The following ASIC2 variants were observed in gnomAD, a reference collection of about 807,000 sequenced individuals.
ASIC2 encodes acid sensing ion channel subunit 2.
A neutral mutation model predicts 57.3 loss-of-function variants in ASIC2; 25 were observed. The ratio of observed to expected loss-of-function variants is 0.44; its 90% CI spans 0.32 to 0.61. The LOEUF is 0.61. Ranked by LOEUF, ASIC2 falls within the 20% of genes least tolerant of loss-of-function variation. The pLI, the probability that ASIC2 is intolerant of heterozygous loss-of-function variation, is 0.06. For missense variants in ASIC2, 641 were observed against 738.1 expected (o/e 0.87, Z 1.52); for synonymous variants, 319 against 307.5 (o/e 1.04, Z -0.39).
Position 33,932,713 on chromosome 17 carries a change from C to CAAAAAAA in ASIC2, c.555+223258_555+223264dup, listed in dbSNP as rs869134623. The CAAAAAAA allele has an allele frequency of 5.7e-4, 25 of 44,064 alleles. 5 individuals carry two copies. The highest frequency in any genetic ancestry group is 7.6e-4 in the African/African-American group (7 of 9,250). The allele number at this position is 44,064 out of a possible 1,614,324, so 2.7% of individuals were successfully genotyped here. A position where few individuals can be genotyped will look rare whatever the true frequency, so the allele number is the denominator to read the frequency against. On this transcript the variant is annotated intron_variant, in intron 1 of 9. Coordinates refer to the ASIC2 transcript ENST00000359872. ...GGGCAACAAAAGCGAAACTTTGTTTCAAAAAAAAAAAAAAAAAAAAAAAAA... is the reference window on the plus strand; with the variant it reads ...GGGCAACAAAAGCGAAACTTTGTTTCAAAAAAAAAAAAAAAAAAAAAAAAAAAAAAAA...
intron 1 of ASIC2, among the ~76,000 whole-genome samples, chr17:33,962,669 T>A (rs1050544758): frequency 1.1e-4 from 17 of 152,168 alleles, no homozygotes; most frequent in African/African-American, 4.1e-4. Flanking sequence ...ATCAACAGGA[T>A]GCTCTTTAAG....
intron 1 of ASIC2, among the ~76,000 whole-genome samples, chr17:33,431,733 T>A (rs1428928807): frequency 6.6e-6 from 1 of 151,860 alleles, no homozygotes; most frequent in African/African-American, 2.4e-5. Flanking sequence ...CCTTCACAAA[T>A]CCCAGGAAAA....
rs60454518 is a variant in ASIC2, at chr17:33,187,905, G to GA, written c.709-75839dup. On this transcript the variant is annotated intron_variant, in intron 1 of 9. Coordinates refer to ENST00000225823, the MANE Select transcript of ASIC2 (RefSeq NM_183377.2). ...CAGCCAATCAAAAATGGTCAGGGAT[G>GA]AAAAAAAAAAAAAGAAAAAAAGAAA... is the stretch of plus-strand genomic sequence containing the variant. Among the ~76,000 whole-genome samples the GA allele has an allele frequency of 8.1e-3, 732 of 90,654 alleles. 7 individuals are homozygous for GA. Among genetic ancestry groups the GA allele is most frequent in the African/African-American group, 0.022 (599 of 27,654 alleles). The allele number at this position is 90,654 out of a possible 152,430, so 59.5% of individuals were successfully genotyped here.
At chr17:33,031,812 C>T (rs1402667335) in intron 3 of ASIC2, among the ~76,000 whole-genome samples, 2 of 152,156 alleles carry the variant, frequency 1.3e-5, no homozygotes, top group Non-Finnish European at 2.9e-5. Context: ...ATTGCTACAT[C>T]TTCTGGATGA....
At chr17:33,335,336 T>C (rs760419538) in intron 1 of ASIC2, among the ~76,000 whole-genome samples, 1 of 152,220 alleles carries the variant, frequency 6.6e-6, no homozygotes, top group Non-Finnish European at 1.5e-5. Context: ...ATTGCTGAAG[T>C]GCCTACTATG....
At chr17:33,583,032 C>G (rs1281240731) in intron 1 of ASIC2, among the ~76,000 whole-genome samples, 4 of 152,156 alleles carry the variant, frequency 2.6e-5, no homozygotes, top group African/African-American at 9.7e-5. Context: ...CCTCCAGATG[C>G]AATGAGTGTG....
chr17:33,519,473 T>C (rs1423334824), intron 1 of ASIC2, among the ~76,000 whole-genome samples: 2 of 152,190 alleles, frequency 1.3e-5, no homozygotes, highest in African/African-American at 4.8e-5. Context: ...TGCAAACACA[T>C]GCACCTGAAC....
intron 1 of ASIC2, among the ~76,000 whole-genome samples, chr17:33,376,559 A>G (rs948228126): frequency 6.6e-6 from 1 of 152,212 alleles, no homozygotes; most frequent in African/African-American, 2.4e-5. Flanking sequence ...ATATCAACAC[A>G]TTCAATCCAT....
At chr17:33,556,602 C>G (rs540828446) in intron 1 of ASIC2, among the ~76,000 whole-genome samples, 133 of 152,322 alleles carry the variant, frequency 8.7e-4, no homozygotes, top group Non-Finnish European at 1.5e-3. Context: ...GAAATAGATT[C>G]TGCTAATCTA....
At chr17:33,555,282 G>C (rs756666301) in intron 1 of ASIC2, among the ~76,000 whole-genome samples, 2 of 152,178 alleles carry the variant, frequency 1.3e-5, no homozygotes, top group Non-Finnish European at 2.9e-5. Flanking sequence ...GAAGGTACTT[G>C]TTTTCCAGTG....
intron 1 of ASIC2, among the ~76,000 whole-genome samples, chr17:34,122,114 C>T (rs1911640014): frequency 6.6e-6 from 1 of 152,216 alleles, no homozygotes; most frequent in Non-Finnish European, 1.5e-5. Context: ...ATTTATTTTA[C>T]TTGTTGCCTT....
At chr17:33,755,494 A>C (rs2701483) in intron 1 of ASIC2, among the ~76,000 whole-genome samples, 51,715 of 152,120 alleles carry the variant, frequency 0.34, 10,703 homozygotes, top group Non-Finnish European at 0.49. Context: ...TTGGGATGTC[A>C]CTAAGCTCAT....
chr17:33,513,091 G>T (rs971188020), intron 1 of ASIC2, among the ~76,000 whole-genome samples: 2 of 152,208 alleles, frequency 1.3e-5, no homozygotes, highest in African/African-American at 4.8e-5. Flanking sequence ...TTTAGCATGG[G>T]ATTCTTGGGG....
intron 3 of ASIC2, among the ~76,000 whole-genome samples, chr17:33,080,480 A>G (rs1598266422): frequency 1.3e-5 from 2 of 152,296 alleles, no homozygotes; most frequent in African/African-American, 4.8e-5. Context: ...GATACGTTCC[A>G]AGACCACCAG....
intron 1 of ASIC2, among the ~76,000 whole-genome samples, chr17:33,328,829 A>T (rs1907186268): frequency 1.3e-5 from 2 of 152,226 alleles, no homozygotes; most frequent in Admixed American, 1.3e-4. Context: ...CCGTGATACT[A>T]ACCAGATACT....
intron 1 of ASIC2, among the ~76,000 whole-genome samples, chr17:33,324,045 T>C (rs1358135197): frequency 6.6e-6 from 1 of 152,170 alleles, no homozygotes; most frequent in African/African-American, 2.4e-5. Context: ...TGGGTTAGAC[T>C]CTGGGTCAGA....
chr17:34,061,130 T>C (rs1052983660), intron 1 of ASIC2, among the ~76,000 whole-genome samples: 6 of 152,136 alleles, frequency 3.9e-5, no homozygotes, highest in Non-Finnish European at 8.8e-5. Context: ...GGAAAACCTA[T>C]CAGATTAACA....
At chr17:33,195,939 C>T (rs1227485852) in intron 1 of ASIC2, among the ~76,000 whole-genome samples, 2 of 152,150 alleles carry the variant, frequency 1.3e-5, no homozygotes, top group Non-Finnish European at 2.9e-5. Flanking sequence ...GCCATTAAAC[C>T]ACAATAACTT....
intron 1 of ASIC2, among the ~76,000 whole-genome samples, chr17:33,737,237 G>A (rs777283015): frequency 6.6e-5 from 10 of 152,350 alleles, no homozygotes; most frequent in Non-Finnish European, 1.3e-4. Context: ...TCAAAAAATA[G>A]ACTCATTTTA....
Sources: gnomAD v4.1 joint callset for allele counts (sites outside exome capture counted in the v4.1 genomes callset) on GRCh38, gnomAD v4.1.1 for gene constraint, MANE v1.5 for transcripts, NCBI Gene and HGNC (gene_info 2026-07-23, HGNC 2026-07-21) for gene names.